SHISA5: variants seen among roughly 807,000 people sequenced by gnomAD.
SHISA5 encodes the protein shisa family member 5, also known as protein shisa-5.
In SHISA5, 21 loss-of-function variants were observed where a neutral mutation model predicts 27.5. The ratio of observed to expected loss-of-function variants is 0.76; its 90% CI spans 0.54 to 1.10. SHISA5 has a LOEUF of 1.10. Among genes scored for constraint, SHISA5 ranks in the 50% least tolerant of loss-of-function variants. SHISA5 has a pLI of 0.00. For synonymous variants in SHISA5, 137 were observed against 142.2 expected, an observed-to-expected ratio of 0.96 and a Z score of 0.26; for missense variants, 314 against 336.3, an observed-to-expected ratio of 0.93 and a Z score of 0.52.
rs2107369434 is a variant in SHISA5 at position 48,494,144 on chromosome 3, C to T, written c.233+6993G>A. On this transcript the variant is annotated intron_variant, in intron 2 of 5. Transcript: ENST00000296444. ...CTGCCACCTCCTAGTCTCCGGTTAC[C>T]ACCATTTTATTCTGTTTCTATGAGT... Among the ~76,000 whole-genome samples the T allele has an allele frequency of 1.4e-5, 2 of 147,164 alleles. 1 individual carries two copies. The highest frequency in any genetic ancestry group is 5.4e-5 in the African/African-American group (2 of 37,072).
In SHISA5 at chr3:48,468,552, G is replaced by A; in HGVS notation, c.*555C>T. ...GGGAGCAATGGGACATCTGCCCAAA[G>A]GATCAAAGTCCAACTTGGCCAGATC... On this transcript the variant is annotated 3_prime_UTR_variant, in exon 6 of 6. Coordinates refer to ENST00000296444, the MANE Select transcript of SHISA5 (RefSeq NM_016479.6). 8.4e-7 allele frequency: 1 copy of A among 1,188,782 alleles called. No individual in the cohort carries two copies. Among genetic ancestry groups the A allele is most frequent in the Non-Finnish European group, 1.1e-6 (1 of 942,490 alleles). 73.6% of individuals were successfully genotyped at this position (1,188,782 alleles called of 1,614,324 possible).
rs903565920 is a variant in SHISA5 at position 48,473,249 on chromosome 3, G to A, written c.315-3406C>T. Reference sequence around the variant, plus strand: ...GCCAAGGAGCCAAGGGGCGGGGGCCGGGGAGGAGGGGAAGCAGAGGTGCCC... The same window carrying A: ...GCCAAGGAGCCAAGGGGCGGGGGCCAGGGAGGAGGGGAAGCAGAGGTGCCC... On this transcript the variant is annotated intron_variant, in intron 3 of 5. Transcript: ENST00000296444. This position sits in a 1 kb window ranked among gnomAD's most constrained non-coding sequence, Gnocchi z 4.3. The A allele has an allele frequency of 1.2e-5, 17 of 1,418,032 alleles. No individual in the cohort carries two copies. The highest frequency in any genetic ancestry group is 1.0e-4 in the African/African-American group (7 of 69,268). The allele number at this position is 1,418,032 out of a possible 1,614,324, so 87.8% of individuals were successfully genotyped here.
chr3:48,479,366 G>A, intron 2 of SHISA5, 109 bp from the exon 3 acceptor site: 2 of 995,012 alleles, frequency 2.0e-6, no homozygotes, highest in Non-Finnish European at 3.0e-6. Context: ...ATGAACCGGT[G>A]GCTTCAATGG....
intron 1 of SHISA5, 25 bp downstream of exon 1, chr3:48,503,994 C>A: frequency 1.4e-6 from 2 of 1,456,768 alleles, no homozygotes; most frequent in Middle Eastern, 1.8e-4. Flanking sequence ...CAGGGCAGGA[C>A]GGGCCGCCCC....
At chr3:48,479,902 A>G (rs1479622422) in intron 2 of SHISA5, among the ~76,000 whole-genome samples, 10 of 125,960 alleles carry the variant, frequency 7.9e-5, no homozygotes, top group Non-Finnish European at 1.5e-4. Context: ...ACATTTCCAC[A>G]AAGTTTTTTT....
At chr3:48,491,201 C>T (rs2041413056) in intron 2 of SHISA5, among the ~76,000 whole-genome samples, 1 of 151,960 alleles carries the variant, frequency 6.6e-6, no homozygotes, top group Non-Finnish European at 1.5e-5. Context: ...TCACTGCAAG[C>T]TCTGCCTCCC....
At chr3:48,494,744 T>C (rs1439492555) in intron 2 of SHISA5, among the ~76,000 whole-genome samples, 1 of 147,658 alleles carries the variant, frequency 6.8e-6, no homozygotes, top group East Asian at 1.9e-4. Context: ...GGTATCTCTT[T>C]GGGGTATGGA....
In SHISA5 at chr3:48,470,295, C is replaced by A. The variant is rs749462526; in HGVS notation, c.315-452G>T. On this transcript the variant is annotated intron_variant, in intron 3 of 5. Coordinates refer to ENST00000296444, the MANE Select transcript of SHISA5 (RefSeq NM_016479.6). This position sits in a 1 kb window ranked among gnomAD's most constrained non-coding sequence, Gnocchi z 4.3. ...CAGACAGTGAAGATAACATGGCTCA[C>A]AAAGCACAGGGTGAAGACTGAGAGA... Among the ~76,000 whole-genome samples, 1 of 152,230 alleles carries A rather than the reference C, an allele frequency of 6.6e-6. No individual in the cohort carries two copies. The highest frequency in any genetic ancestry group is 1.5e-5 in the Non-Finnish European group (1 of 68,032).
At position 48,468,440 on chromosome 3, in the gene SHISA5, GCAGA is replaced by G. The variant is rs2040439895; in HGVS notation, c.*663_*666del. On this transcript the variant is annotated 3_prime_UTR_variant, in exon 6 of 6. Transcript: ENST00000296444. ...GATGCGGGGACAGGGGACAGTCCAG[GCAGA>G]CAGGTACAGCTGAGTAGGGCTCTGC... 2 of 1,148,920 alleles carry G rather than the reference GCAGA, an allele frequency of 1.7e-6. No individual in the cohort carries two copies. Among genetic ancestry groups the G allele is most frequent in the Admixed American group, 4.4e-5 (1 of 22,974 alleles). The allele number at this position is 1,148,920 out of a possible 1,614,324, so 71.2% of individuals were successfully genotyped here.
At position 48,469,672 on chromosome 3, in the gene SHISA5, G is replaced by C; in HGVS notation, c.430+56C>G. On this transcript the variant is annotated intron_variant, in intron 4 of 5. Coordinates refer to ENST00000296444, the MANE Select transcript of SHISA5 (RefSeq NM_016479.6). The surrounding 1 kb of genome is among the most constrained non-coding windows in gnomAD (Gnocchi z 4.6). ...TCCAGCTTAGCCAAAGCAGGGCCTG[G>C]TCAGCTTCCCTTACCACCCCAGGGG... 6.2e-7 allele frequency: 1 copy of C among 1,607,996 alleles called. No individual in the cohort carries two copies. Among genetic ancestry groups the C allele is most frequent in the Non-Finnish European group, 8.5e-7 (1 of 1,176,914 alleles).
chr3:48,492,681 A>C (rs2041469636), intron 2 of SHISA5, among the ~76,000 whole-genome samples: 1 of 147,972 alleles, frequency 6.8e-6, no homozygotes, highest in Non-Finnish European at 1.5e-5. Flanking sequence ...TTTCTCAGAA[A>C]CATTTAATAG....
At chr3:48,497,269 T>G (rs1363201566) in intron 2 of SHISA5, among the ~76,000 whole-genome samples, 4 of 147,644 alleles carry the variant, frequency 2.7e-5, no homozygotes, top group Admixed American at 2.0e-4. Context: ...CAAGTTTTTT[T>G]TTTTTTTTTT....
chr3:48,471,353 A>G (rs1234668417), intron 3 of SHISA5, among the ~76,000 whole-genome samples: 1 of 147,902 alleles, frequency 6.8e-6, no homozygotes, highest in Non-Finnish European at 1.5e-5. Flanking sequence ...GGAGGCCGAG[A>G]TGGGCGGATC....
At chr3:48,504,275 G>A (rs1300655860), upstream of SHISA5, 1 of 372,320 alleles carries the variant, frequency 2.7e-6, no homozygotes, top group Non-Finnish European at 4.8e-6. The surrounding 1 kb of genome is among the most constrained non-coding windows in gnomAD (Gnocchi z 4.0). Context: ...AGGGAGGAGG[G>A]AGGAAGGTGG....
Position 48,483,707 on chromosome 3 carries a change from C to T in SHISA5, c.234-4450G>A, listed in dbSNP as rs528985899. Among the ~76,000 whole-genome samples the T allele has an allele frequency of 9.2e-5, 14 of 151,470 alleles. No individual in the cohort carries two copies. In the South Asian group the frequency reaches 1.0e-3, roughly 11 times the overall value. ...TCACCTCCCGGACGGGGCGGCTGGC[C>T]GGGTGGGGGGCTGACCCCCCCACCT... On this transcript the variant is annotated intron_variant, in intron 2 of 5. Transcript: ENST00000296444.
rs2040513577 is a variant in SHISA5, at chr3:48,469,468, G to A, written c.536C>T (p.Thr179Ile). The change falls in exon 5 of 6, where the codon ACC becomes ATC. Residue 179 changes from threonine to isoleucine, a missense_variant. Transcript: ENST00000296444. This position sits in a 1 kb window ranked among gnomAD's most constrained non-coding sequence, Gnocchi z 4.6. ...YPGPSYQGYHTMPPQPGMPAA... is the reference protein window; with the variant it reads ...YPGPSYQGYHIMPPQPGMPAA... ...TGGCATCCCTGGCTGAGGCGGCATG[G>A]TGTGGTAGCCCTGGTAGCTTGGTCC... 1.2e-6 allele frequency: 2 copies of A among 1,613,936 alleles called. No individual in the cohort carries two copies. The highest frequency in any genetic ancestry group is 4.5e-5 in the East Asian group (2 of 44,876).
At chr3:48,500,674 G>A (rs77379431) in intron 2 of SHISA5, among the ~76,000 whole-genome samples, 2,741 of 152,270 alleles carry the variant, frequency 0.018, 65 homozygotes, top group African/African-American at 0.055. Context: ...CATAGGCTGC[G>A]CTGGGAGGAC....
intron 2 of SHISA5, among the ~76,000 whole-genome samples, chr3:48,496,683 G>A (rs1191637217): frequency 1.3e-5 from 2 of 151,308 alleles, no homozygotes; most frequent in East Asian, 1.9e-4. Flanking sequence ...GCAGTAAGCC[G>A]TGATCACGCC....
intron 2 of SHISA5, 174 bp from the exon 3 acceptor site, chr3:48,479,431 T>A (rs2107319211): frequency 3.3e-6 from 2 of 613,064 alleles, no homozygotes; most frequent in Admixed American, 2.8e-5. Context: ...AAGCCACACA[T>A]CCTCTCAGGT....
Sources: allele counts gnomAD v4.1 joint callset (sites outside exome capture counted in the v4.1 genomes callset), GRCh38; gene constraint gnomAD v4.1.1; non-coding constraint Gnocchi (gnomAD v3.1); transcripts MANE v1.5; gene names NCBI Gene and HGNC (gene_info 2026-07-23, HGNC 2026-07-21).